Variants in BRINP1 observed in about 807,000 individuals in gnomAD.
The protein encoded by BRINP1 is BMP/retinoic acid-inducible neural-specific protein 1.
A neutral mutation model predicts 72.9 loss-of-function variants in BRINP1; 17 were observed. That is an observed-to-expected ratio of 0.23 (90% CI 0.16 to 0.35). The LOEUF (loss-of-function observed/expected upper bound fraction) is 0.35. Among genes scored for constraint, BRINP1 ranks in the 10% least tolerant of loss-of-function variants. BRINP1 has a pLI of 1.00. For synonymous variants in BRINP1, 418 were observed against 378.5 expected, an observed-to-expected ratio of 1.10 and a Z score of -1.21; for missense variants, 850 against 1,001.6, an observed-to-expected ratio of 0.85 and a Z score of 2.04.
At chr9:119,319,030 G>A (rs1254248733) in intron 1 of BRINP1, among the ~76,000 whole-genome samples, 1 of 152,090 alleles carries the variant, frequency 6.6e-6, no homozygotes, top group Admixed American at 6.5e-5. Flanking sequence ...CATCTGATGG[G>A]TGGAGGCCAG....
chr9:119,312,987 A>G (rs986885182), intron 2 of BRINP1, 151 bp downstream of exon 2: 2 of 763,736 alleles, frequency 2.6e-6, no homozygotes, highest in Non-Finnish European at 2.0e-6. Flanking sequence ...TTGTGCAAAG[A>G]AAAAAAAAAT....
chr9:119,220,328 TTGG>T (rs1830027404), intron 5 of BRINP1, among the ~76,000 whole-genome samples: 1 of 152,090 alleles, frequency 6.6e-6, no homozygotes, highest in African/African-American at 2.4e-5. Context: ...TAGCAGGCAC[TTGG>T]ATCAACTGAC....
Position 119,324,886 on chromosome 9 carries a change from G to A in BRINP1, c.-50-11481C>T, listed in dbSNP as rs949417042. 4.6e-5 allele frequency among the ~76,000 whole-genome samples: 7 copies of A among 152,258 alleles called. 1 individual carries two copies. The highest frequency in any genetic ancestry group is 2.0e-4 in the Admixed American group (3 of 15,300). On this transcript the variant is annotated intron_variant, in intron 1 of 7. Transcript: ENST00000265922. ...AGACCGAGGTGGGCAGATCACCTGA[G>A]GTTGGGAGCTCGAGACCAGCCTGAC...
At chr9:119,235,236 G>T (rs1430683753) in intron 5 of BRINP1, among the ~76,000 whole-genome samples, 1 of 152,094 alleles carries the variant, frequency 6.6e-6, no homozygotes, top group East Asian at 1.9e-4. Context: ...ACCATTCCAT[G>T]GTATCCATTG....
chr9:119,338,665 G>T (rs997085198), intron 1 of BRINP1, among the ~76,000 whole-genome samples: 3 of 146,462 alleles, frequency 2.0e-5, no homozygotes, highest in African/African-American at 5.1e-5. Context: ...GAGGTCAGAA[G>T]ATCGAGACCA....
intron 6 of BRINP1, among the ~76,000 whole-genome samples, chr9:119,211,986 CCT>C (rs1451000806): frequency 6.6e-6 from 1 of 152,014 alleles, no homozygotes; most frequent in Non-Finnish European, 1.5e-5. Flanking sequence ...GCCTAAATTC[CCT>C]CTGTTTTTTT....
intron 2 of BRINP1, among the ~76,000 whole-genome samples, chr9:119,284,473 G>T (rs1830741141): frequency 6.6e-6 from 1 of 150,710 alleles, no homozygotes. Context: ...TCTCACTTTT[G>T]GGGGGGTGGT....
rs557082375 is a variant in BRINP1 at position 119,183,912 on chromosome 9, T to C, written c.1146-15688A>G. Reference sequence around the variant, plus strand: ...GGACTAAAACTCACCCATGCGTGAGTTTGTTGGCAGGACGTGGAGGGTGGA... The same window carrying C: ...GGACTAAAACTCACCCATGCGTGAGCTTGTTGGCAGGACGTGGAGGGTGGA... On this transcript the variant is annotated intron_variant, in intron 7 of 7. Transcript: ENST00000265922. 2.6e-5 allele frequency among the ~76,000 whole-genome samples: 4 copies of C among 151,836 alleles called. No individual in the cohort carries two copies. The South Asian group carries it at 8.4e-4, about 32-fold the overall frequency.
chr9:119,369,032 G>A (rs899104102), intron 1 of BRINP1, 24 bp downstream of exon 1: 6 of 394,706 alleles, frequency 1.5e-5, no homozygotes, highest in Non-Finnish European at 2.7e-5. Context: ...GGGCTGCGGG[G>A]CGCTGCACCC....
chr9:119,352,477 A>G (rs1176696056), intron 1 of BRINP1, among the ~76,000 whole-genome samples: 1 of 152,084 alleles, frequency 6.6e-6, no homozygotes, highest in African/African-American at 2.4e-5. Context: ...TTTGTCACCC[A>G]GGCTGGAGTG....
chr9:119,241,980 CAGA>C, intron 4 of BRINP1, 64 bp downstream of exon 4: 2 of 1,518,744 alleles, frequency 1.3e-6, no homozygotes, highest in Non-Finnish European at 1.8e-6. Flanking sequence ...CATCCACTCT[CAGA>C]ATGCCTGCAT....
chr9:119,316,080 A>C (rs1370921650), intron 1 of BRINP1, among the ~76,000 whole-genome samples: 1 of 152,076 alleles, frequency 6.6e-6, no homozygotes, highest in African/African-American at 2.4e-5. Context: ...GCTACCCTAA[A>C]CAATCTATTT....
chr9:119,187,324 T>C (rs2118845298), intron 7 of BRINP1, among the ~76,000 whole-genome samples: 1 of 152,058 alleles, frequency 6.6e-6, no homozygotes, highest in Admixed American at 6.5e-5. Flanking sequence ...GTCTTCACAC[T>C]GTGGGAAAAA....
intron 1 of BRINP1, among the ~76,000 whole-genome samples, chr9:119,318,284 T>G (rs1017691668): frequency 3.3e-4 from 50 of 152,296 alleles, no homozygotes; most frequent in Non-Finnish European, 1.3e-4. Flanking sequence ...ATATGACACC[T>G]CATTTGTCTA....
At chr9:119,308,842 G>A (rs759324535) in intron 2 of BRINP1, among the ~76,000 whole-genome samples, 2 of 152,054 alleles carry the variant, frequency 1.3e-5, no homozygotes, top group Non-Finnish European at 2.9e-5. Context: ...TTGTGACACA[G>A]TGACCACCAT....
intron 7 of BRINP1, among the ~76,000 whole-genome samples, chr9:119,199,352 T>C (rs1434265691): frequency 6.6e-6 from 1 of 152,178 alleles, no homozygotes; most frequent in East Asian, 1.9e-4. Flanking sequence ...ATAACGATTA[T>C]CTTGGTAGCC....
At chr9:119,297,538 A>C (rs1044998491) in intron 2 of BRINP1, among the ~76,000 whole-genome samples, 3 of 152,246 alleles carry the variant, frequency 2.0e-5, no homozygotes, top group Non-Finnish European at 4.4e-5. Context: ...GGTTGCACTC[A>C]AGTATAAATG....
At chr9:119,269,341 G>A (rs1046455479) in intron 2 of BRINP1, among the ~76,000 whole-genome samples, 4 of 152,110 alleles carry the variant, frequency 2.6e-5, no homozygotes, top group African/African-American at 7.2e-5. Context: ...GTAAATGCTC[G>A]TGGAATGATT....
At chr9:119,227,885 T>A (rs1181943166) in intron 5 of BRINP1, among the ~76,000 whole-genome samples, 2 of 152,008 alleles carry the variant, frequency 1.3e-5, no homozygotes, top group Non-Finnish European at 2.9e-5. Flanking sequence ...TCCCTAACTC[T>A]TAGTTGGTGG....
Sources: gnomAD v4.1 joint callset for allele counts (sites outside exome capture counted in the v4.1 genomes callset) on GRCh38, gnomAD v4.1.1 for gene constraint, MANE v1.5 for transcripts, NCBI Gene and HGNC (gene_info 2026-07-23, HGNC 2026-07-21) for gene names.